The following PTPRD variants were observed in gnomAD, a reference collection of about 807,000 sequenced individuals.
The protein encoded by PTPRD is protein tyrosine phosphatase receptor type D.
PTPRD carries 34 observed loss-of-function variants against 214.5 expected under a neutral mutation model. The observed-to-expected ratio is 0.16, with a 90% CI of 0.12 to 0.21. PTPRD has a LOEUF of 0.21. Among genes scored for constraint, PTPRD ranks in the 10% least tolerant of loss-of-function variants. The pLI is 1.00. For missense variants in PTPRD, 2,545 were observed against 2,398.7 expected, an observed-to-expected ratio of 1.06 and a Z score of -1.27; for synonymous variants, 1,128 against 845.7, an observed-to-expected ratio of 1.33 and a Z score of -5.79.
intron 4 of PTPRD, among the ~76,000 whole-genome samples, chr9:10,003,766 T>C (rs986018766): frequency 6.6e-6 from 1 of 151,766 alleles, no homozygotes; most frequent in Admixed American, 6.6e-5. Flanking sequence ...ACAACTCATG[T>C]GGTCCTCACA....
At chr9:10,090,917 TATACACACACACACACAC>T (rs1361340563) in intron 3 of PTPRD, among the ~76,000 whole-genome samples, 4 of 52,976 alleles carry the variant, frequency 7.6e-5, no homozygotes. Flanking sequence ...ATAAATGAAA[TATACACACACACACACAC>T]ACACACACAC....
At chr9:10,082,324 G>A (rs1474103750) in intron 3 of PTPRD, among the ~76,000 whole-genome samples, 1 of 152,100 alleles carries the variant, frequency 6.6e-6, no homozygotes, top group South Asian at 2.1e-4. Flanking sequence ...TTTGACCTGT[G>A]ACTTGGGGAT....
intron 9 of PTPRD, among the ~76,000 whole-genome samples, chr9:9,230,463 C>G (rs559704033): frequency 3.3e-5 from 5 of 152,222 alleles, no homozygotes; most frequent in Admixed American, 1.3e-4. Context: ...AGCACATTAT[C>G]ACACCTGAGA....
chr9:9,778,327 G>A (rs974994925), intron 5 of PTPRD, among the ~76,000 whole-genome samples: 6 of 152,120 alleles, frequency 3.9e-5, no homozygotes, highest in African/African-American at 1.4e-4. Flanking sequence ...TAGCTACAGG[G>A]TAAGCTGTGT....
At chr9:9,653,054 G>A (rs2154374185) in intron 7 of PTPRD, among the ~76,000 whole-genome samples, 1 of 151,558 alleles carries the variant, frequency 6.6e-6, no homozygotes, top group African/African-American at 2.4e-5. Context: ...TTTAAAAAGT[G>A]CCTCATGGCC....
chr9:9,895,749 G>A (rs992506391), intron 5 of PTPRD, among the ~76,000 whole-genome samples: 1 of 152,028 alleles, frequency 6.6e-6, no homozygotes, highest in African/African-American at 2.4e-5. Flanking sequence ...TCTTCAAATT[G>A]TAAAATGAAG....
Position 8,499,029 on chromosome 9 carries a change from T to G in PTPRD, c.2322+618A>C, listed in dbSNP as rs529032346. On this transcript the variant is annotated intron_variant, in intron 25 of 45. Coordinates refer to ENST00000381196, the MANE Select transcript of PTPRD (RefSeq NM_002839.4). The stretch of plus-strand genomic sequence containing the variant: ...TACTCAACTACTCATTTTTAGTACC[T>G]TTTTTTTAAACCTTGGTTCAACGTA... 4.0e-3 allele frequency among the ~76,000 whole-genome samples: 530 copies of G among 132,592 alleles called. 6 individuals carry two copies. The highest frequency in any genetic ancestry group is 0.036 in the East Asian group (171 of 4,778). 87.0% of individuals were successfully genotyped at this position (132,592 alleles called of 152,430 possible). A position where few individuals can be genotyped will look rare whatever the true frequency, so the allele number is the denominator to read the frequency against.
At chr9:10,534,433 G>T (rs1304585873) in intron 2 of PTPRD, among the ~76,000 whole-genome samples, 3 of 152,086 alleles carry the variant, frequency 2.0e-5, no homozygotes, top group Middle Eastern at 3.4e-3. Context: ...ACTTTAAAAT[G>T]ATGATTTTGG....
intron 10 of PTPRD, among the ~76,000 whole-genome samples, chr9:9,099,873 G>C (rs1177222088): frequency 6.6e-6 from 1 of 152,132 alleles, no homozygotes; most frequent in East Asian, 1.9e-4. Context: ...GAGTTGGAGA[G>C]AGCTACACTG....
chr9:9,872,270 T>C (rs191018591), intron 5 of PTPRD, among the ~76,000 whole-genome samples: 10 of 152,256 alleles, frequency 6.6e-5, no homozygotes, highest in Admixed American at 2.0e-4. Flanking sequence ...ATAGGATCCA[T>C]GTCACCCTGG....
intron 11 of PTPRD, among the ~76,000 whole-genome samples, chr9:8,846,896 C>T (rs1202870028): frequency 6.6e-6 from 1 of 152,092 alleles, no homozygotes; most frequent in African/African-American, 2.4e-5. Flanking sequence ...CAAGGAATGA[C>T]GTGATCAGAT....
intron 11 of PTPRD, among the ~76,000 whole-genome samples, chr9:8,914,480 T>A (rs894737610): frequency 6.6e-6 from 1 of 152,100 alleles, no homozygotes; most frequent in Admixed American, 6.6e-5. Flanking sequence ...ACTATGATTG[T>A]TTATTTAAAA....
chr9:8,520,779 T>C (rs1223216632), intron 20 of PTPRD, among the ~76,000 whole-genome samples: 1 of 152,180 alleles, frequency 6.6e-6, no homozygotes, highest in Non-Finnish European at 1.5e-5. Flanking sequence ...TACTCTTACT[T>C]GCCTTTTGAT....
At chr9:8,483,197 GT>G (rs2096924008) in intron 30 of PTPRD, among the ~76,000 whole-genome samples, 1 of 152,198 alleles carries the variant, frequency 6.6e-6, no homozygotes, top group Admixed American at 6.5e-5. Flanking sequence ...CTTCAGGCCT[GT>G]TGGCCTCTAT....
At chr9:9,500,711 T>C (rs1382040538) in intron 8 of PTPRD, among the ~76,000 whole-genome samples, 2 of 152,064 alleles carry the variant, frequency 1.3e-5, no homozygotes, top group African/African-American at 4.8e-5. Flanking sequence ...AGACTGGAGA[T>C]AATAAATATG....
intron 43 of PTPRD, among the ~76,000 whole-genome samples, chr9:8,334,014 G>A (rs552527652): frequency 3.8e-4 from 58 of 152,214 alleles, no homozygotes; most frequent in African/African-American, 1.3e-3. Context: ...CCCAATACAG[G>A]AGCACCCAGA....
At chr9:10,312,773 G>A (rs919222894) in intron 3 of PTPRD, among the ~76,000 whole-genome samples, 3 of 151,690 alleles carry the variant, frequency 2.0e-5, no homozygotes, top group Non-Finnish European at 2.9e-5. Context: ...GAAATCCAAA[G>A]GTACCATTTC....
intron 2 of PTPRD, among the ~76,000 whole-genome samples, chr9:10,479,379 A>C (rs927995152): frequency 1.3e-5 from 2 of 152,248 alleles, no homozygotes; most frequent in East Asian, 1.9e-4. Context: ...GATGCTTGTA[A>C]TACATCATTT....
chr9:8,384,964 C>A (rs771396223), intron 37 of PTPRD, among the ~76,000 whole-genome samples: 23 of 152,140 alleles, frequency 1.5e-4, no homozygotes, highest in Non-Finnish European at 2.8e-4. Context: ...TCTTTAAAGG[C>A]CACATTTGAA....
Sources: allele counts gnomAD v4.1 joint callset (sites outside exome capture counted in the v4.1 genomes callset), GRCh38; gene constraint gnomAD v4.1.1; transcripts MANE v1.5; gene names NCBI Gene and HGNC (gene_info 2026-07-23, HGNC 2026-07-21).